Variants in ARHGAP28 observed in about 807,000 individuals in gnomAD.
The protein encoded by ARHGAP28 is Rho GTPase activating protein 28.
In ARHGAP28, 56 loss-of-function variants were observed where a neutral mutation model predicts 90.7. The observed-to-expected ratio is 0.62, with a 90% confidence interval of 0.50 to 0.77. The LOEUF is 0.77. Ranked by LOEUF, ARHGAP28 falls within the 30% of genes least tolerant of loss-of-function variation. ARHGAP28 has a pLI of 0.00. For synonymous variants in ARHGAP28, 308 were observed against 323.3 expected (o/e 0.95, Z 0.51); for missense variants, 869 against 900.9 (o/e 0.96, Z 0.45).
chr18:6,750,291 T>C (rs2143250534), intron 1 of ARHGAP28, among the ~76,000 whole-genome samples: 1 of 152,304 alleles, frequency 6.6e-6, no homozygotes, highest in African/African-American at 2.4e-5. Flanking sequence ...AGTATGGTAA[T>C]GTCAGCCTAA....
chr18:6,864,486 G>T (rs749884569), intron 5 of ARHGAP28, among the ~76,000 whole-genome samples: 4 of 152,106 alleles, frequency 2.6e-5, no homozygotes, highest in Non-Finnish European at 5.9e-5. Flanking sequence ...TACAAGGTAT[G>T]TTGTTATAAA....
intron 10 of ARHGAP28, among the ~76,000 whole-genome samples, chr18:6,878,374 T>C (rs868375472): frequency 2.3e-4 from 34 of 147,074 alleles, no homozygotes; most frequent in Middle Eastern, 6.8e-3. Context: ...AGGGATAGCA[T>C]TGGGAGATAT....
chr18:6,741,501 C>T (rs184328610), intron 1 of ARHGAP28, among the ~76,000 whole-genome samples: 4 of 152,316 alleles, frequency 2.6e-5, no homozygotes, highest in Admixed American at 6.5e-5. Context: ...AATGATCCCA[C>T]ACCAGCTAAA....
At chr18:6,812,008 G>T (rs2056560489) in intron 1 of ARHGAP28, among the ~76,000 whole-genome samples, 1 of 152,134 alleles carries the variant, frequency 6.6e-6, no homozygotes, top group Non-Finnish European at 1.5e-5. Context: ...GCAGAATTCA[G>T]GGTCAATGAA....
At chr18:6,876,797 A>G (rs896201774) in intron 10 of ARHGAP28, among the ~76,000 whole-genome samples, 2 of 152,130 alleles carry the variant, frequency 1.3e-5, no homozygotes, top group African/African-American at 4.8e-5. Context: ...CACATCTAAA[A>G]CCAGCTGTTC....
At chr18:6,841,193 C>CACTGTCTCTCTCCTCTT (rs1567966720) in intron 3 of ARHGAP28, among the ~76,000 whole-genome samples, 13 of 61,312 alleles carry the variant, frequency 2.1e-4, no homozygotes, top group African/African-American at 8.3e-4. Flanking sequence ...CTCTCTCTCT[C>CACTGTCTCTCTCCTCTT]TCTCTCTCTC....
chr18:6,830,265 A>G (rs987746476), intron 2 of ARHGAP28, among the ~76,000 whole-genome samples: 6 of 152,030 alleles, frequency 3.9e-5, no homozygotes, highest in Non-Finnish European at 8.8e-5. Flanking sequence ...GTGCTACCAA[A>G]TTCTGGATTT....
At chr18:6,909,993 T>G (rs2057387375) in intron 17 of ARHGAP28, among the ~76,000 whole-genome samples, 1 of 152,218 alleles carries the variant, frequency 6.6e-6, no homozygotes, top group South Asian at 2.1e-4. Context: ...CCCATTTCTC[T>G]GTTCCACCTT....
intron 1 of ARHGAP28, among the ~76,000 whole-genome samples, chr18:6,771,513 A>T (rs548147280): frequency 9.6e-4 from 146 of 152,302 alleles, no homozygotes; most frequent in African/African-American, 3.5e-3. Flanking sequence ...AGTGAGAGGG[A>T]ATTATGTTCC....
chr18:6,887,165 C>T lies in ARHGAP28; in HGVS notation c.1462C>T (p.His488Tyr). 1.9e-6 allele frequency: 3 copies of T among 1,614,026 alleles called. No homozygotes were observed. The highest frequency in any genetic ancestry group is 2.5e-6 in the Non-Finnish European group (3 of 1,179,894). Residue 488 changes from histidine (H) to tyrosine (Y), a missense_variant, in exon 12 of 18, where the codon CAC (histidine) becomes TAC (tyrosine). His to Tyr is a moderately conservative substitution (Grantham distance 83, BLOSUM62 2). Transcript: ENST00000383472. ...TTCTGTTTTCTTGTTAGGAGGGCCT[C>T]ACGTCAAAGTACAGTTTCAAGCCTT... ...AFISLMERGPHVKVQFQALHL... is the reference protein window; with the variant it reads ...AFISLMERGPYVKVQFQALHL...
intron 1 of ARHGAP28, among the ~76,000 whole-genome samples, chr18:6,782,808 C>T (rs946226877): frequency 6.6e-6 from 1 of 151,200 alleles, no homozygotes; most frequent in Non-Finnish European, 1.5e-5. Context: ...ATAATGTGTG[C>T]CCATATGTAT....
intron 5 of ARHGAP28, among the ~76,000 whole-genome samples, chr18:6,866,254 C>T (rs546164055): frequency 2.1e-4 from 32 of 152,258 alleles, no homozygotes; most frequent in African/African-American, 7.2e-4. Flanking sequence ...AACTCTTTGA[C>T]GTGGCTTTCA....
At chr18:6,759,156 G>T (rs1296523770) in intron 1 of ARHGAP28, among the ~76,000 whole-genome samples, 2 of 152,150 alleles carry the variant, frequency 1.3e-5, no homozygotes, top group Non-Finnish European at 2.9e-5. Flanking sequence ...GGCAAATTCA[G>T]ATATACTGGC....
At chr18:6,775,012 C>T (rs1341379192) in intron 1 of ARHGAP28, among the ~76,000 whole-genome samples, 2 of 152,174 alleles carry the variant, frequency 1.3e-5, no homozygotes, top group African/African-American at 2.4e-5. Flanking sequence ...ATCAATAGCA[C>T]GCAGAGGCTC....
At chr18:6,829,403 T>G (rs1282124401) in intron 2 of ARHGAP28, among the ~76,000 whole-genome samples, 1 of 152,210 alleles carries the variant, frequency 6.6e-6, no homozygotes, top group East Asian at 1.9e-4. Flanking sequence ...TACTTTATAT[T>G]TACTCATTTG....
At position 6,873,507 on chromosome 18, in the gene ARHGAP28, G is replaced by A. The variant is rs368601652; in HGVS notation, c.1053G>A (p.Leu351=). The change falls in exon 8 of 18, where the codon TTG becomes TTA. Residue 351 remains leucine, a synonymous_variant. Coordinates refer to ENST00000383472, the MANE Select transcript of ARHGAP28 (RefSeq NM_001366230.1). The part of the protein sequence containing the change: ...KKIRHLSLIE[L]TAFFDAFGIQ... The stretch of plus-strand genomic sequence containing the variant: ...TCCGCCATCTCTCTCTGATTGAATT[G>A]ACTGCCTTTTTTGATGCCTTTGGAA... 6.8e-6 allele frequency: 11 copies of A among 1,614,038 alleles called. No individual in the cohort carries two copies. The highest frequency in any genetic ancestry group is 9.3e-6 in the Non-Finnish European group (11 of 1,180,030).
intron 17 of ARHGAP28, among the ~76,000 whole-genome samples, chr18:6,910,992 CCA>C (rs1273211740): frequency 5.9e-5 from 9 of 151,992 alleles, no homozygotes; most frequent in East Asian, 2.0e-4. Flanking sequence ...TTACAGGCGC[CCA>C]TCACCACGCC....
intron 15 of ARHGAP28, among the ~76,000 whole-genome samples, chr18:6,895,162 G>A (rs1316801523): frequency 1.3e-5 from 2 of 152,092 alleles, no homozygotes; most frequent in East Asian, 1.9e-4. Context: ...AGTGTGCAAC[G>A]TATTGTATAC....
chr18:6,895,483 A>G (rs2057297951), intron 15 of ARHGAP28, among the ~76,000 whole-genome samples: 2 of 152,244 alleles, frequency 1.3e-5, no homozygotes, highest in African/African-American at 4.8e-5. Context: ...TGAAAGTCCA[A>G]AATCAGGGTG....
Sources: gnomAD v4.1 joint callset for allele counts (sites outside exome capture counted in the v4.1 genomes callset) on GRCh38, gnomAD v4.1.1 for gene constraint, MANE v1.5 for transcripts, NCBI Gene and HGNC (gene_info 2026-07-23, HGNC 2026-07-21) for gene names.